The following FAM149B1 variants were observed in gnomAD, a reference collection of about 807,000 sequenced individuals.
FAM149B1 encodes primary cilium assembly protein FAM149B1.
In FAM149B1, 56 loss-of-function variants were observed where a neutral mutation model predicts 75.3. That is an observed-to-expected ratio of 0.74 (90% CI 0.60 to 0.93). The LOEUF is 0.93. Ranked by LOEUF, FAM149B1 falls within the 40% of genes least tolerant of loss-of-function variation. The pLI is 0.00. For synonymous variants in FAM149B1, 259 were observed against 256.1 expected, an observed-to-expected ratio of 1.01 and a Z score of -0.11; for missense variants, 639 against 708.4, an observed-to-expected ratio of 0.90 and a Z score of 1.11.
At chr10:73,194,903 T>C (rs2042767462) in intron 5 of FAM149B1, among the ~76,000 whole-genome samples, 1 of 151,846 alleles carries the variant, frequency 6.6e-6, no homozygotes, top group African/African-American at 2.4e-5. Context: ...AGGCTGGTCT[T>C]GAACTCCTGA....
Position 73,241,115 on chromosome 10 carries a change from A to C in FAM149B1, c.*96A>C. Reference sequence around the variant, plus strand: ...GATGCAGAGCTTGTATAGAAGATCGACTAGAAATCATCTTCATGAAGAGTG... The same window carrying C: ...GATGCAGAGCTTGTATAGAAGATCGCCTAGAAATCATCTTCATGAAGAGTG... On this transcript the variant is annotated 3_prime_UTR_variant, in exon 14 of 14. Coordinates refer to ENST00000242505, the MANE Select transcript of FAM149B1 (RefSeq NM_173348.2). 1.3e-6 allele frequency: 1 copy of C among 763,678 alleles called. No individual in the cohort carries two copies. The highest frequency in any genetic ancestry group is 2.3e-6 in the Non-Finnish European group (1 of 441,220). The allele number at this position is 763,678 out of a possible 1,614,324, so 47.3% of individuals were successfully genotyped here.
At chr10:73,198,350 C>T (rs1245734771) in intron 5 of FAM149B1, among the ~76,000 whole-genome samples, 1 of 151,996 alleles carries the variant, frequency 6.6e-6, no homozygotes, top group African/African-American at 2.4e-5. Context: ...CAAGAACAGA[C>T]AAATGGTACT....
chr10:73,215,120 A>G (rs898891457), intron 7 of FAM149B1, among the ~76,000 whole-genome samples: 6 of 152,022 alleles, frequency 3.9e-5, no homozygotes, highest in Non-Finnish European at 7.4e-5. Flanking sequence ...TCCCAGGTTC[A>G]AGCCATTCTC....
intron 2 of FAM149B1, 88 bp downstream of exon 2, chr10:73,174,879 G>A: frequency 2.3e-6 from 2 of 857,472 alleles, no homozygotes; most frequent in Admixed American, 5.1e-5. Context: ...GTCAAGCCTT[G>A]TGCTAATGAA....
At chr10:73,208,372 A>G (rs1564699849) in intron 5 of FAM149B1, among the ~76,000 whole-genome samples, 1 of 152,260 alleles carries the variant, frequency 6.6e-6, no homozygotes. Context: ...ATACATAGCT[A>G]TAGCTGTTTG....
intron 5 of FAM149B1, among the ~76,000 whole-genome samples, chr10:73,197,968 C>T (rs537377672): frequency 2.3e-4 from 35 of 152,238 alleles, no homozygotes; most frequent in African/African-American, 7.7e-4. Context: ...ACTATAATAT[C>T]TAATGAGTGG....
In FAM149B1 at chr10:73,241,159, G is replaced by C. The variant is rs555119862; in HGVS notation, c.*140G>C. On this transcript the variant is annotated 3_prime_UTR_variant, in exon 14 of 14. Transcript: ENST00000242505. ...AAGAGTGATTTTGGCACAAGTGACCGAAGAACAAAACACCATAGCAGCCAA... is the reference window on the plus strand; with the variant it reads ...AAGAGTGATTTTGGCACAAGTGACCCAAGAACAAAACACCATAGCAGCCAA... 3 of 649,374 alleles carry C rather than the reference G, an allele frequency of 4.6e-6. No homozygotes were observed. In the East Asian group the frequency reaches 8.9e-5, roughly 19 times the overall value. 40.2% of individuals were successfully genotyped at this position (649,374 alleles called of 1,614,324 possible). A position where few individuals can be genotyped will look rare whatever the true frequency, so the allele number is the denominator to read the frequency against.
chr10:73,240,124 T>G (rs1415238027), intron 13 of FAM149B1, among the ~76,000 whole-genome samples: 1 of 152,224 alleles, frequency 6.6e-6, no homozygotes. Flanking sequence ...CTTGCTATGT[T>G]GCCCAGGCTG....
At chr10:73,212,844 ACTCT>A (rs372551724) in intron 7 of FAM149B1, among the ~76,000 whole-genome samples, 20 of 137,072 alleles carry the variant, frequency 1.5e-4, no homozygotes, top group Admixed American at 1.0e-3. Flanking sequence ...TCTCTCTCTC[ACTCT>A]CTCTCTCTCT....
rs1331736818 is a variant in FAM149B1 at position 73,174,782 on chromosome 10, G to C, written c.143G>C (p.Ser48Thr). The change falls in exon 2 of 14, where the codon AGT (serine) becomes ACT (threonine). Residue 48 changes from serine to threonine, a missense_variant. Ser to Thr is a moderately conservative substitution (Grantham distance 58). Transcript: ENST00000242505. ...AGTGACAGTCATGAGAAAGACACAA[G>C]TTCCCAAAGGTAATAACACAAAGTG... is the stretch of plus-strand genomic sequence containing the variant. ...PTSDSHEKDTSSQSKSDITRE... is the reference protein window; with the variant it reads ...PTSDSHEKDTTSQSKSDITRE... 3 of 1,544,544 alleles carry C rather than the reference G, an allele frequency of 1.9e-6. No individual in the cohort carries two copies. Among genetic ancestry groups the C allele is most frequent in the Non-Finnish European group, 1.8e-6 (2 of 1,140,506 alleles).
At position 73,234,823 on chromosome 10, in the gene FAM149B1, G is replaced by A; in HGVS notation, c.1359G>A (p.Val453=). The change falls in exon 11 of 14, where the codon GTG becomes GTA. Residue 453 remains valine (V), a synonymous_variant. Coordinates refer to ENST00000242505, the MANE Select transcript of FAM149B1 (RefSeq NM_173348.2). ...EEILRGARVP[V]APDSLSSPSP... is the part of the protein sequence containing the mutation. ...TTGTTGGTGGGATCTGCAGCCCAGT[G>A]GCACCCGACTCGCTCTCCTCTCCCT... 2 of 1,551,428 alleles carry A rather than the reference G, an allele frequency of 1.3e-6. No individual in the cohort carries two copies. Among genetic ancestry groups the A allele is most frequent in the Non-Finnish European group, 1.7e-6 (2 of 1,146,964 alleles).
intron 3 of FAM149B1, among the ~76,000 whole-genome samples, chr10:73,188,232 G>T (rs964295997): frequency 6.6e-6 from 1 of 152,128 alleles, no homozygotes; most frequent in African/African-American, 2.4e-5. Context: ...ATAGAAAAAG[G>T]ATTTTTTTTC....
At chr10:73,172,565 G>T (rs12244670) in intron 1 of FAM149B1, among the ~76,000 whole-genome samples, 15,526 of 152,142 alleles carry the variant, frequency 0.1, 1,163 homozygotes, top group East Asian at 0.3. Flanking sequence ...AGAAATCTGT[G>T]TAACTTTGTT....
rs549513922 is a variant in FAM149B1, at chr10:73,175,324, TAC to T, written c.152+536_152+537del. On this transcript the variant is annotated intron_variant, in intron 2 of 13. Transcript: ENST00000242505. The stretch of plus-strand genomic sequence containing the variant: ...GGTCAAGGCTGCAGTAAGCTGTGTT[TAC>T]ACCACGATACTCCAGCCTGGGTGAA... Among the ~76,000 whole-genome samples, 22 of 152,296 alleles carry T rather than the reference TAC, an allele frequency of 1.4e-4. No individual in the cohort carries two copies. In the South Asian group the frequency reaches 4.6e-3, roughly 32 times the overall value.
At chr10:73,191,711 T>C (rs1166003911) in intron 3 of FAM149B1, among the ~76,000 whole-genome samples, 1 of 152,106 alleles carries the variant, frequency 6.6e-6, no homozygotes, top group Non-Finnish European at 1.5e-5. Flanking sequence ...AGATGCAGTA[T>C]AAAAAGTAAT....
At chr10:73,189,130 A>G (rs1373222000) in intron 3 of FAM149B1, among the ~76,000 whole-genome samples, 4 of 152,200 alleles carry the variant, frequency 2.6e-5, no homozygotes, top group African/African-American at 7.2e-5. Context: ...GCCACGTAGC[A>G]TGTAGAAAGA....
chr10:73,219,129 CA>C (rs1242945356), intron 7 of FAM149B1, among the ~76,000 whole-genome samples: 1 of 151,446 alleles, frequency 6.6e-6, no homozygotes, highest in Non-Finnish European at 1.5e-5. Context: ...AATGAATAGT[CA>C]AAAAGGAAAT....
At chr10:73,214,747 T>C (rs2043259454) in intron 7 of FAM149B1, among the ~76,000 whole-genome samples, 1 of 152,202 alleles carries the variant, frequency 6.6e-6, no homozygotes, top group South Asian at 2.1e-4. Context: ...ATCAGGGATA[T>C]TGGGCTTTTC....
chr10:73,187,763 T>G (rs1306440643), intron 3 of FAM149B1, among the ~76,000 whole-genome samples: 1 of 149,972 alleles, frequency 6.7e-6, no homozygotes, highest in Non-Finnish European at 1.5e-5. Context: ...CTACCACATC[T>G]CAAAACTTAA....
Sources: allele counts gnomAD v4.1 joint callset (sites outside exome capture counted in the v4.1 genomes callset), GRCh38; gene constraint gnomAD v4.1.1; transcripts MANE v1.5; gene names NCBI Gene and HGNC (gene_info 2026-07-23, HGNC 2026-07-21).